ABLIM1: variants seen among roughly 807,000 people sequenced by gnomAD.
ABLIM1 encodes actin binding LIM protein 1, also known as actin-binding LIM protein 1.
Under a neutral mutation model 107.0 loss-of-function variants are expected in ABLIM1, and 40 were observed. The observed-to-expected ratio is 0.37, with a 90% CI of 0.29 to 0.49. ABLIM1 has a LOEUF of 0.49. ABLIM1 is among the 20% of genes least tolerant of loss of function. ABLIM1 has a pLI of 0.97. For missense variants in ABLIM1, 857 were observed against 1,008.5 expected (o/e 0.85, Z 2.04); for synonymous variants, 357 against 357.3 (o/e 1.00, Z 0.01).
chr10:114,442,615 G>A (rs2060351857), intron 17 of ABLIM1, among the ~76,000 whole-genome samples: 1 of 152,208 alleles, frequency 6.6e-6, no homozygotes, highest in South Asian at 2.1e-4. Flanking sequence ...TTCCAGGTAA[G>A]GGTGTGGGCT....
At chr10:114,663,803 A>G (rs945842067) in intron 1 of ABLIM1, among the ~76,000 whole-genome samples, 8 of 152,180 alleles carry the variant, frequency 5.3e-5, no homozygotes, top group Admixed American at 2.0e-4. Flanking sequence ...CTGAGCGTAG[A>G]ACCAGAAACA....
chr10:114,559,951 AG>A (rs1235381897), intron 4 of ABLIM1, among the ~76,000 whole-genome samples: 2 of 152,202 alleles, frequency 1.3e-5, no homozygotes, highest in African/African-American at 4.8e-5. Context: ...CAAACAAGAG[AG>A]GAAGAAAGGC....
At chr10:114,554,981 C>T (rs1296805189) in intron 4 of ABLIM1, among the ~76,000 whole-genome samples, 3 of 152,088 alleles carry the variant, frequency 2.0e-5, no homozygotes, top group Non-Finnish European at 4.4e-5. Context: ...ACCTGCTTTC[C>T]CAGGCTGCGT....
At chr10:114,698,846 A>T (rs1298424083) in intron 1 of ABLIM1, among the ~76,000 whole-genome samples, 1 of 152,128 alleles carries the variant, frequency 6.6e-6, no homozygotes, top group African/African-American at 2.4e-5. Flanking sequence ...TTGAAGACTG[A>T]CTCACACAGG....
At chr10:114,684,211 C>T (rs1177182532) in intron 1 of ABLIM1, 2 of 1,436,410 alleles carry the variant, frequency 1.4e-6, no homozygotes, top group African/African-American at 2.8e-5. Flanking sequence ...TGGAAAAGCC[C>T]TGCATCTTTC....
At chr10:114,573,382 C>T (rs1191566747) in intron 3 of ABLIM1, among the ~76,000 whole-genome samples, 1 of 152,220 alleles carries the variant, frequency 6.6e-6, no homozygotes, top group African/African-American at 2.4e-5. Flanking sequence ...GGCCCCAATT[C>T]AGACAGAATT....
chr10:114,744,392 G>T (rs930528757), intron 1 of ABLIM1, among the ~76,000 whole-genome samples: 6 of 152,028 alleles, frequency 3.9e-5, no homozygotes, highest in Admixed American at 2.0e-4. Flanking sequence ...AGACTGATAC[G>T]ACCGGAAAAA....
At chr10:114,644,349 T>C (rs1206301151) in intron 1 of ABLIM1, among the ~76,000 whole-genome samples, 2 of 130,756 alleles carry the variant, frequency 1.5e-5, no homozygotes, top group South Asian at 2.3e-4. Context: ...ATTGTATATA[T>C]ACATATATAT....
chr10:114,770,219 T>C (rs1219384102), upstream of ABLIM1, among the ~76,000 whole-genome samples: 1 of 152,222 alleles, frequency 6.6e-6, no homozygotes, highest in African/African-American at 2.4e-5. Flanking sequence ...ATCCAAGCAA[T>C]TAATTCATCC....
At chr10:114,598,765 T>G (rs971516201) in intron 2 of ABLIM1, among the ~76,000 whole-genome samples, 1 of 152,222 alleles carries the variant, frequency 6.6e-6, no homozygotes, top group Non-Finnish European at 1.5e-5. Context: ...TAATGAAAAT[T>G]AACTACACCT....
the ABLIM1 span, among the ~76,000 whole-genome samples, chr10:114,787,569 G>A: frequency 4.1e-4 from 60 of 148,002 alleles, 1 homozygote; most frequent in Middle Eastern, 3.5e-3. Context: ...CACCCCGTCC[G>A]GGAGGGAGGT....
chr10:114,618,535 T>G (rs562337488), intron 1 of ABLIM1, among the ~76,000 whole-genome samples: 2 of 152,294 alleles, frequency 1.3e-5, no homozygotes, highest in South Asian at 4.1e-4. Flanking sequence ...AGAGACGTGA[T>G]TTGCCCACTA....
At chr10:114,735,618 C>T (rs61869110) in intron 1 of ABLIM1, among the ~76,000 whole-genome samples, 22,226 of 152,088 alleles carry the variant, frequency 0.15, 2,054 homozygotes, top group East Asian at 0.45. Context: ...TACAGGCACA[C>T]GCTACCACGC....
In ABLIM1 at chr10:114,441,736, T is replaced by C; in HGVS notation, c.1984A>G (p.Asn662Asp). 1.2e-6 allele frequency: 2 copies of C among 1,614,020 alleles called. No individual in the cohort carries two copies. Among genetic ancestry groups the C allele is most frequent in the South Asian group, 2.2e-5 (2 of 91,076 alleles). ...AGAAATCTTACCCGGTGAAGCCCAT[T>C]TCTTCCATAGCCAGGGAGAGATGCA... ...KTASLPGYGR[N>D]GLHRPVSTDF... Residue 662 changes from asparagine to aspartate, a missense_variant, in exon 18 of 23, where the codon AAT (asparagine) becomes GAT (aspartate). Transcript: ENST00000533213.
intron 6 of ABLIM1, among the ~76,000 whole-genome samples, chr10:114,497,330 C>T (rs988384995): frequency 6.6e-6 from 1 of 152,176 alleles, no homozygotes. Flanking sequence ...CTCACCAGAG[C>T]GCCATCACTG....
rs768889723 is a variant in ABLIM1, at chr10:114,468,161, T to TA, written c.1311+19dup. On this transcript the variant is annotated intron_variant, in intron 11 of 22. Transcript: ENST00000533213. ...TCTCAAATTCCACCCATTAAAATGA[T>TA]AAAAAGAAATGGTACTTACTTCTGC... 1.2e-6 allele frequency: 2 copies of TA among 1,608,582 alleles called. No individual in the cohort carries two copies. Among genetic ancestry groups the TA allele is most frequent in the South Asian group, 2.2e-5 (2 of 90,946 alleles).
At chr10:114,749,450 C>CCACACA (rs151201319) in intron 1 of ABLIM1, among the ~76,000 whole-genome samples, 6,619 of 141,382 alleles carry the variant, frequency 0.047, 217 homozygotes, top group South Asian at 0.093. Context: ...AACACACACA[C>CCACACA]CACACACACA....
chr10:114,694,829 G>C (rs564238839), intron 1 of ABLIM1, among the ~76,000 whole-genome samples: 2 of 152,300 alleles, frequency 1.3e-5, no homozygotes, highest in East Asian at 3.9e-4. Context: ...TTGATAAAAA[G>C]TGGAACTTAC....
chr10:114,577,760 T>C (rs1221033109), intron 2 of ABLIM1, among the ~76,000 whole-genome samples: 1 of 152,212 alleles, frequency 6.6e-6, no homozygotes, highest in Non-Finnish European at 1.5e-5. Flanking sequence ...CTTAAAGTAG[T>C]GCTCAAGGTG....
Sources: gnomAD v4.1 joint callset for allele counts (sites outside exome capture counted in the v4.1 genomes callset) on GRCh38, gnomAD v4.1.1 for gene constraint, MANE v1.5 for transcripts, NCBI Gene and HGNC (gene_info 2026-07-23, HGNC 2026-07-21) for gene names.